PPP4R1: variants seen among roughly 807,000 people sequenced by gnomAD.
PPP4R1 encodes serine/threonine-protein phosphatase 4 regulatory subunit 1.
In PPP4R1, 42 loss-of-function variants were observed where a neutral mutation model predicts 111.2. The observed-to-expected ratio is 0.38, with a 90% CI of 0.29 to 0.49. The LOEUF (loss-of-function observed/expected upper bound fraction) is 0.49, where lower values mean the gene tolerates loss of function less well. Among genes scored for constraint, PPP4R1 ranks in the 20% least tolerant of loss-of-function variants. The pLI is 0.97. For missense variants in PPP4R1, 1,012 were observed against 1,161.6 expected (o/e 0.87, Z 1.87); for synonymous variants, 409 against 405.5 (o/e 1.01, Z -0.10).
chr18:9,555,528 G>C lies in PPP4R1; in HGVS notation c.2190+1693C>G, dbSNP rs1418202749. On this transcript the variant is annotated intron_variant, in intron 15 of 19. Coordinates refer to ENST00000400556, the MANE Select transcript of PPP4R1 (RefSeq NM_001042388.3). ...AAAGGTAAAAGGTCATTTTACAATG[G>C]AGTTGTCAGCCTTCTCGTCACCAAT... Among the ~76,000 whole-genome samples, 3 of 152,012 alleles carry C rather than the reference G, an allele frequency of 2.0e-5. No homozygotes were observed. The East Asian group carries it at 5.8e-4, about 29-fold the overall frequency.
chr18:9,585,942 G>A (rs760177259), intron 6 of PPP4R1, among the ~76,000 whole-genome samples: 95 of 152,070 alleles, frequency 6.2e-4, no homozygotes, highest in Non-Finnish European at 9.6e-4. Context: ...TTGATCTACA[G>A]ATTCAACACT....
At chr18:9,587,064 A>G (rs900037370) in intron 6 of PPP4R1, among the ~76,000 whole-genome samples, 2 of 152,184 alleles carry the variant, frequency 1.3e-5, no homozygotes, top group Non-Finnish European at 2.9e-5. Context: ...TCCCACAAAG[A>G]CCATACCTGT....
chr18:9,610,386 A>T (rs1177125893), intron 2 of PPP4R1, among the ~76,000 whole-genome samples: 2 of 152,244 alleles, frequency 1.3e-5, no homozygotes, highest in African/African-American at 4.8e-5. Context: ...TCAATTTGAA[A>T]TTCAAAGTAT....
In PPP4R1 at chr18:9,614,334, C is replaced by T. The variant is rs28461902; in HGVS notation, c.8-64G>A. The T allele has an allele frequency of 1.4e-5, 15 of 1,101,392 alleles. No individual in the cohort carries two copies. Among genetic ancestry groups the T allele is most frequent in the East Asian group, 5.3e-5 (1 of 18,744 alleles). The allele number at this position is 1,101,392 out of a possible 1,614,324, so 68.2% of individuals were successfully genotyped here. ...CCGGGGCCCGGCGCGACGCCCCCCC[C>T]CCGCCCGCCTCCCCCCCGCCCCGGG... On this transcript the variant is annotated intron_variant, in intron 1 of 19. Coordinates refer to ENST00000400556, the MANE Select transcript of PPP4R1 (RefSeq NM_001042388.3). The surrounding 1 kb of genome is among the most constrained non-coding windows in gnomAD (Gnocchi z 4.1).
At chr18:9,555,333 CAG>C (rs891956075) in intron 15 of PPP4R1, among the ~76,000 whole-genome samples, 5 of 151,758 alleles carry the variant, frequency 3.3e-5, no homozygotes, top group South Asian at 2.1e-4. Context: ...TAAAAAAAAA[CAG>C]AAAGAATTAT....
At chr18:9,589,186 ACT>A (rs1021281156) in intron 4 of PPP4R1, among the ~76,000 whole-genome samples, 2 of 152,278 alleles carry the variant, frequency 1.3e-5, no homozygotes, top group Non-Finnish European at 2.9e-5. Flanking sequence ...TTACATCAAT[ACT>A]CTGACACATA....
chr18:9,611,500 G>A (rs1255977874), intron 2 of PPP4R1, among the ~76,000 whole-genome samples: 2 of 152,162 alleles, frequency 1.3e-5, no homozygotes, highest in African/African-American at 4.8e-5. Context: ...CCCTTCACAA[G>A]AGATGGGAAG....
intron 2 of PPP4R1, among the ~76,000 whole-genome samples, chr18:9,598,200 C>CAA (rs1308514562): frequency 6.6e-6 from 1 of 151,916 alleles, no homozygotes; most frequent in Non-Finnish European, 1.5e-5. Flanking sequence ...TCCAAGCATC[C>CAA]AAATATATGT....
chr18:9,604,385 CT>C (rs752814223), intron 2 of PPP4R1, among the ~76,000 whole-genome samples: 34 of 151,914 alleles, frequency 2.2e-4, no homozygotes, highest in Admixed American at 6.6e-5. Flanking sequence ...ATTCCACCCC[CT>C]GATAAGCCTC....
At chr18:9,575,659 C>T (rs1027673193) in intron 10 of PPP4R1, among the ~76,000 whole-genome samples, 2 of 152,138 alleles carry the variant, frequency 1.3e-5, no homozygotes, top group African/African-American at 4.8e-5. Context: ...TGCTACACAC[C>T]GGTAGGCGGC....
intron 12 of PPP4R1, chr18:9,563,018 G>A: frequency 5.9e-6 from 6 of 1,024,014 alleles, no homozygotes; most frequent in Non-Finnish European, 7.0e-6. Flanking sequence ...TTGCTGCAGT[G>A]AAATGGTCCG....
At chr18:9,556,693 G>A (rs945291441) in intron 15 of PPP4R1, among the ~76,000 whole-genome samples, 1 of 152,152 alleles carries the variant, frequency 6.6e-6, no homozygotes, top group Non-Finnish European at 1.5e-5. Context: ...TTCTCAAGAC[G>A]CCTGAAATAC....
At position 9,577,270 on chromosome 18, in the gene PPP4R1, A is replaced by T; in HGVS notation, c.919-79T>A. 2.1e-6 allele frequency: 3 copies of T among 1,395,494 alleles called. No homozygotes were observed. In the South Asian group the frequency reaches 4.0e-5, roughly 19 times the overall value. The allele number at this position is 1,395,494 out of a possible 1,614,324, so 86.4% of individuals were successfully genotyped here. A position where few individuals can be genotyped will look rare whatever the true frequency, so the allele number is the denominator to read the frequency against. ...TACGCACACATTATGTATATTTAAT[A>T]ATCTACTTTCAAATGCCGAAGTATG... is the stretch of plus-strand genomic sequence containing the variant. On this transcript the variant is annotated intron_variant, in intron 9 of 19. Coordinates refer to ENST00000400556, the MANE Select transcript of PPP4R1 (RefSeq NM_001042388.3).
chr18:9,556,130 C>T (rs891212129), intron 15 of PPP4R1, among the ~76,000 whole-genome samples: 8 of 148,930 alleles, frequency 5.4e-5, no homozygotes, highest in Admixed American at 4.8e-4. Context: ...CACTGCACTC[C>T]AGCCTTGTGA....
At chr18:9,603,822 A>G (rs529908900) in intron 2 of PPP4R1, among the ~76,000 whole-genome samples, 223 of 152,306 alleles carry the variant, frequency 1.5e-3, no homozygotes, top group South Asian at 2.3e-3. Context: ...TTTGGTGCAA[A>G]GAAATGTGAC....
At chr18:9,587,174 A>G (rs989300479) in intron 6 of PPP4R1, among the ~76,000 whole-genome samples, 1 of 152,202 alleles carries the variant, frequency 6.6e-6, no homozygotes, top group Non-Finnish European at 1.5e-5. Flanking sequence ...TTCTTCGTTC[A>G]GTCCAGGGTT....
chr18:9,585,799 A>C (rs913791951), intron 6 of PPP4R1, among the ~76,000 whole-genome samples: 3 of 152,228 alleles, frequency 2.0e-5, no homozygotes, highest in African/African-American at 7.2e-5. Context: ...TACTTTTAAA[A>C]AATATGAAAT....
intron 9 of PPP4R1, among the ~76,000 whole-genome samples, chr18:9,577,763 T>TA (rs1445047082): frequency 6.6e-6 from 1 of 152,202 alleles, no homozygotes; most frequent in African/African-American, 2.4e-5. Flanking sequence ...AAGTATGAGA[T>TA]ACTATGAAAC....
chr18:9,558,886 T>TG (rs2066629918), intron 14 of PPP4R1, among the ~76,000 whole-genome samples: 1 of 152,032 alleles, frequency 6.6e-6, no homozygotes, highest in African/African-American at 2.4e-5. Context: ...GGGTTTACCT[T>TG]GTGTGTTCTG....
Sources: allele counts gnomAD v4.1 joint callset (sites outside exome capture counted in the v4.1 genomes callset), GRCh38; gene constraint gnomAD v4.1.1; non-coding constraint Gnocchi (gnomAD v3.1); transcripts MANE v1.5; gene names NCBI Gene and HGNC (gene_info 2026-07-23, HGNC 2026-07-21).